LAMB4: variants seen among roughly 807,000 people sequenced by gnomAD.
The protein encoded by LAMB4 is laminin subunit beta 4.
Under a neutral mutation model 199.2 loss-of-function variants are expected in LAMB4, and 196 were observed. The ratio of observed to expected loss-of-function variants is 0.98; its 90% CI spans 0.88 to 1.11. The LOEUF is 1.11. Ranked by LOEUF, LAMB4 falls within the 50% of genes least tolerant of loss-of-function variation. LAMB4 has a pLI of 0.00. For synonymous variants in LAMB4, 744 were observed against 770.6 expected (o/e 0.97, Z 0.57); for missense variants, 2,080 against 2,171.2 (o/e 0.96, Z 0.83).
At chr7:108,049,284 A>G (rs747458412) in intron 27 of LAMB4, 42 bp downstream of exon 27, 5 of 1,118,254 alleles carry the variant, frequency 4.5e-6, no homozygotes, top group African/African-American at 3.2e-5. Flanking sequence ...TATACCAAGT[A>G]AAAACCACAA....
intron 6 of LAMB4, among the ~76,000 whole-genome samples, chr7:108,106,866 C>T (rs555343147): frequency 1.3e-5 from 2 of 152,178 alleles, no homozygotes; most frequent in Non-Finnish European, 1.5e-5. Context: ...CACACCTGAC[C>T]GTGAAATGCA....
intron 10 of LAMB4, among the ~76,000 whole-genome samples, chr7:108,101,015 G>T (rs993158629): frequency 1.6e-4 from 25 of 152,152 alleles, no homozygotes; most frequent in African/African-American, 5.6e-4. Flanking sequence ...CTAGGACATT[G>T]AATCTATTCA....
At position 108,079,748 on chromosome 7, in the gene LAMB4, A is replaced by G. The variant is rs753929026; in HGVS notation, c.1740T>C (p.Val580=). ...TCCCAGGAACTGGCTCTCCTAAAAC[A>G]ACGTGAACAGCAGGACTCTGGCCAA... ...ETFGQSPAVH[V]VLGEPVPGNP... The change falls in exon 15 of 34, where the codon GTT becomes GTC. Residue 580 remains valine, a synonymous_variant. Coordinates refer to ENST00000388781, the MANE Select transcript of LAMB4 (RefSeq NM_007356.3). 3.7e-6 allele frequency: 6 copies of G among 1,608,112 alleles called. No homozygotes were observed. The African/African-American group carries it at 6.7e-5, about 18-fold the overall frequency.
chr7:108,030,985 G>C lies in LAMB4; in HGVS notation c.4819-6C>G. On this transcript the variant is annotated splice_polypyrimidine_tract_variant and splice_region_variant and intron_variant, in intron 31 of 33. Coordinates refer to ENST00000388781, the MANE Select transcript of LAMB4 (RefSeq NM_007356.3). ...TCCCTGGTTTGATTTTCAGCCTGTT[G>C]TTGATTTAAAGACCAAAAAGGGAAA... 6.2e-7 allele frequency: 1 copy of C among 1,610,894 alleles called. No homozygotes were observed. Among genetic ancestry groups the C allele is most frequent in the Non-Finnish European group, 8.5e-7 (1 of 1,178,314 alleles).
chr7:108,057,195 T>C (rs1388715172), intron 24 of LAMB4, among the ~76,000 whole-genome samples: 1 of 152,164 alleles, frequency 6.6e-6, no homozygotes, highest in African/African-American at 2.4e-5. Flanking sequence ...CTGACTTGAT[T>C]ATTTGCAGTT....
At chr7:108,038,914 T>C (rs2035323430) in intron 29 of LAMB4, among the ~76,000 whole-genome samples, 1 of 152,176 alleles carries the variant, frequency 6.6e-6, no homozygotes, top group South Asian at 2.1e-4. Context: ...TATAAGTCAT[T>C]ATATACAAAT....
intron 18 of LAMB4, among the ~76,000 whole-genome samples, chr7:108,069,457 A>G (rs1350965640): frequency 6.6e-6 from 1 of 152,244 alleles, no homozygotes; most frequent in Non-Finnish European, 1.5e-5. Flanking sequence ...CTAGAATTCC[A>G]AATGAATATT....
At chr7:108,067,753 CA>C (rs927811573) in intron 19 of LAMB4, among the ~76,000 whole-genome samples, 6 of 152,342 alleles carry the variant, frequency 3.9e-5, no homozygotes, top group Non-Finnish European at 8.8e-5. Context: ...ACACAGACTG[CA>C]AACTTCCAGA....
intron 1 of LAMB4, 30 bp from the exon 2 acceptor site, chr7:108,123,227 C>A: frequency 7.5e-7 from 1 of 1,341,084 alleles, no homozygotes; most frequent in Non-Finnish European, 1.1e-6. Context: ...AAGTCAATCA[C>A]TGATAGAAGA....
intron 25 of LAMB4, among the ~76,000 whole-genome samples, chr7:108,054,819 G>A (rs1165611486): frequency 1.3e-5 from 2 of 152,078 alleles, no homozygotes; most frequent in Non-Finnish European, 2.9e-5. Context: ...TTGCTGAGCC[G>A]TGGCCCAAAA....
chr7:108,037,665 A>G (rs1485993201), intron 29 of LAMB4, 70 bp from the exon 30 acceptor site: 4 of 1,189,326 alleles, frequency 3.4e-6, no homozygotes, highest in Non-Finnish European at 5.0e-6. Context: ...AAGTATAACC[A>G]CAATGATGTC....
intron 9 of LAMB4, among the ~76,000 whole-genome samples, chr7:108,103,763 G>A (rs1250683922): frequency 6.6e-6 from 1 of 152,114 alleles, no homozygotes; most frequent in East Asian, 1.9e-4. Context: ...GGAGGAATTT[G>A]TCTTCATGAT....
chr7:108,038,321 A>G (rs1327829257), intron 29 of LAMB4, among the ~76,000 whole-genome samples: 1 of 152,026 alleles, frequency 6.6e-6, no homozygotes, highest in Non-Finnish European at 1.5e-5. Flanking sequence ...CACCATGCCC[A>G]GCTAATTTTT....
chr7:108,102,837 A>G (rs550104222), intron 10 of LAMB4, among the ~76,000 whole-genome samples: 11 of 152,242 alleles, frequency 7.2e-5, no homozygotes, highest in African/African-American at 2.4e-4. Context: ...TAATTTCCCA[A>G]CTACCAGGAC....
At chr7:108,065,713 A>T in intron 21 of LAMB4, 49 bp downstream of exon 21, 1 of 1,476,680 alleles carries the variant, frequency 6.8e-7, no homozygotes, top group Non-Finnish European at 9.4e-7. Flanking sequence ...TTTACAGATT[A>T]CAGTGTGGGA....
At chr7:108,098,656 A>C in intron 10 of LAMB4, 74 bp from the exon 11 acceptor site, 1 of 1,250,974 alleles carries the variant, frequency 8.0e-7, no homozygotes, top group South Asian at 1.5e-5. Context: ...ACGGCATTTT[A>C]CTCATGCTAT....
intron 22 of LAMB4, among the ~76,000 whole-genome samples, chr7:108,063,262 T>C (rs997944925): frequency 1.3e-5 from 2 of 152,184 alleles, no homozygotes; most frequent in African/African-American, 4.8e-5. Context: ...TTTTCCCTCA[T>C]GTCACTCACC....
intron 14 of LAMB4, among the ~76,000 whole-genome samples, chr7:108,086,975 C>T (rs2037204917): frequency 6.6e-6 from 1 of 152,134 alleles, no homozygotes; most frequent in African/African-American, 2.4e-5. Context: ...CCAGTCTCCT[C>T]TTTCAGGTGG....
At chr7:108,016,275 A>ATTTTTTT in the LAMB4 span, among the ~76,000 whole-genome samples, 1 of 97,834 alleles carries the variant, frequency 1.0e-5, no homozygotes, top group Non-Finnish European at 1.9e-5. Flanking sequence ...GCATTTTGGA[A>ATTTTTTT]TTTTTTTTTT....
Sources: gnomAD v4.1 joint callset for allele counts (sites outside exome capture counted in the v4.1 genomes callset) on GRCh38, gnomAD v4.1.1 for gene constraint, MANE v1.5 for transcripts, NCBI Gene and HGNC (gene_info 2026-07-23, HGNC 2026-07-21) for gene names.